RPS6KC1: variants seen among roughly 807,000 people sequenced by gnomAD.
RPS6KC1 encodes the protein ribosomal protein S6 kinase C1.
A neutral mutation model predicts 103.8 loss-of-function variants in RPS6KC1; 54 were observed. The ratio of observed to expected loss-of-function variants is 0.52; its 90% CI spans 0.42 to 0.65. RPS6KC1 has a LOEUF of 0.65. Among genes scored for constraint, RPS6KC1 ranks in the 30% least tolerant of loss-of-function variants. The probability of loss-of-function intolerance (pLI) is 0.00; values close to 1 mark genes in which losing one functional copy is unlikely to be tolerated. For missense variants in RPS6KC1, 1,151 were observed against 1,253.8 expected, an observed-to-expected ratio of 0.92 and a Z score of 1.24; for synonymous variants, 439 against 438.7, an observed-to-expected ratio of 1.00 and a Z score of -0.01.
chr1:213,213,303 T>G (rs928225438), intron 8 of RPS6KC1, among the ~76,000 whole-genome samples: 6 of 152,238 alleles, frequency 3.9e-5, no homozygotes, highest in African/African-American at 1.4e-4. Flanking sequence ...TAGCACCATT[T>G]TTGAAAGGGC....
chr1:213,565,697 T>C, the RPS6KC1 span, among the ~76,000 whole-genome samples: 2 of 152,284 alleles, frequency 1.3e-5, no homozygotes, highest in South Asian at 4.1e-4. Context: ...TGCACACCAA[T>C]GTACACTTAT....
chr1:213,443,368 C>G, the RPS6KC1 span, among the ~76,000 whole-genome samples: 4 of 152,174 alleles, frequency 2.6e-5, no homozygotes, highest in African/African-American at 9.7e-5. Flanking sequence ...TCTGTGATGT[C>G]CGTGATGTTC....
At chr1:213,631,255 C>T in the RPS6KC1 span, among the ~76,000 whole-genome samples, 20 of 152,048 alleles carry the variant, frequency 1.3e-4, 1 homozygote, top group African/African-American at 4.6e-4. Context: ...TGAGATGAAC[C>T]CAGTACCTCA....
At chr1:213,707,777 A>G in the RPS6KC1 span, among the ~76,000 whole-genome samples, 1 of 152,340 alleles carries the variant, frequency 6.6e-6, no homozygotes, top group South Asian at 2.1e-4. Context: ...CAGTTTTCTC[A>G]ACACCATTTA....
the RPS6KC1 span, among the ~76,000 whole-genome samples, chr1:213,457,278 T>A: frequency 6.6e-6 from 1 of 152,236 alleles, no homozygotes; most frequent in African/African-American, 2.4e-5. Context: ...CTCCACGCCA[T>A]CCTCGGCAAC....
At chr1:213,509,174 C>T in the RPS6KC1 span, among the ~76,000 whole-genome samples, 619 of 152,292 alleles carry the variant, frequency 4.1e-3, 2 homozygotes, top group Middle Eastern at 0.014. Flanking sequence ...CCAGCACTGT[C>T]CTGGGCAAGC....
the RPS6KC1 span, among the ~76,000 whole-genome samples, chr1:213,829,948 T>C: frequency 6.6e-6 from 1 of 152,204 alleles, no homozygotes; most frequent in African/African-American, 2.4e-5. Context: ...AGTTATCACT[T>C]GGCAGAAGCC....
the RPS6KC1 span, among the ~76,000 whole-genome samples, chr1:213,545,419 AT>A: frequency 1.9e-3 from 145 of 75,684 alleles, 1 homozygote; most frequent in Middle Eastern, 6.9e-3. Context: ...AATAAATAAA[AT>A]AAAATAAAAT....
At chr1:213,057,951 A>G (rs148726425) in intron 1 of RPS6KC1, among the ~76,000 whole-genome samples, 17 of 151,070 alleles carry the variant, frequency 1.1e-4, no homozygotes, top group African/African-American at 3.9e-4. Flanking sequence ...TTTTTTAAAT[A>G]GAGACCCAGT....
At chr1:213,862,315 A>G in the RPS6KC1 span, among the ~76,000 whole-genome samples, 1 of 152,184 alleles carries the variant, frequency 6.6e-6, no homozygotes, top group Non-Finnish European at 1.5e-5. Flanking sequence ...TCCAGGCCCA[A>G]TATTTACCAA....
chr1:213,202,772 G>A lies in RPS6KC1; in HGVS notation c.1044+26280G>A, dbSNP rs1333141129. 2.6e-5 allele frequency among the ~76,000 whole-genome samples: 4 copies of A among 152,110 alleles called. No individual in the cohort carries two copies. The East Asian group carries it at 5.8e-4, about 22-fold the overall frequency. The stretch of plus-strand genomic sequence containing the variant: ...TCATTGTGTGTTTTATAAATACCTC[G>A]ATGCTTTCAAACCATTTTAAAAGAC... On this transcript the variant is annotated intron_variant, in intron 8 of 14. Coordinates refer to ENST00000366960, the MANE Select transcript of RPS6KC1 (RefSeq NM_012424.6).
chr1:213,537,015 C>G, the RPS6KC1 span, among the ~76,000 whole-genome samples: 3 of 152,308 alleles, frequency 2.0e-5, no homozygotes, highest in South Asian at 6.2e-4. Flanking sequence ...ATCCACCTTA[C>G]ATATGGTGCA....
the RPS6KC1 span, among the ~76,000 whole-genome samples, chr1:213,826,559 A>AT: frequency 3.9e-5 from 6 of 152,246 alleles, no homozygotes; most frequent in South Asian, 1.0e-3. Context: ...GAAATGTGGG[A>AT]TTTTTTGTTT....
chr1:213,079,819 C>T (rs2079694099), intron 3 of RPS6KC1, among the ~76,000 whole-genome samples: 1 of 151,966 alleles, frequency 6.6e-6, no homozygotes, highest in Non-Finnish European at 1.5e-5. Context: ...TCCTTCCCTC[C>T]ACCTACTTTT....
chr1:213,859,976 CA>C, the RPS6KC1 span, among the ~76,000 whole-genome samples: 86 of 143,678 alleles, frequency 6.0e-4, 4 homozygotes, highest in East Asian at 4.3e-3. Flanking sequence ...ACAGTCTAAA[CA>C]AAAAAAAAAT....
the RPS6KC1 span, among the ~76,000 whole-genome samples, chr1:213,368,418 A>G: frequency 6.6e-6 from 1 of 152,176 alleles, no homozygotes; most frequent in Non-Finnish European, 1.5e-5. Flanking sequence ...CGCGCCTGCT[A>G]TACACAGCTG....
At chr1:213,115,893 T>G (rs1467870570) in intron 4 of RPS6KC1, among the ~76,000 whole-genome samples, 1 of 152,232 alleles carries the variant, frequency 6.6e-6, no homozygotes, top group South Asian at 2.1e-4. Flanking sequence ...TGAGTTCTAG[T>G]TTGATTGCAC....
At chr1:213,432,448 A>G in the RPS6KC1 span, among the ~76,000 whole-genome samples, 2 of 152,330 alleles carry the variant, frequency 1.3e-5, no homozygotes, top group South Asian at 4.1e-4. Context: ...CAGTTATTTA[A>G]ATTTTGTTTA....
At chr1:213,287,588 T>C in the RPS6KC1 span, among the ~76,000 whole-genome samples, 3 of 152,198 alleles carry the variant, frequency 2.0e-5, no homozygotes, top group African/African-American at 7.2e-5. Flanking sequence ...TTTTTTGTTA[T>C]TGTTTTTTGC....
Sources: allele counts gnomAD v4.1 joint callset (sites outside exome capture counted in the v4.1 genomes callset), GRCh38; gene constraint gnomAD v4.1.1; transcripts MANE v1.5; gene names NCBI Gene and HGNC (gene_info 2026-07-23, HGNC 2026-07-21).